The following CLEC16A variants were observed in gnomAD, a reference collection of about 807,000 sequenced individuals.
CLEC16A encodes the protein protein CLEC16A.
CLEC16A carries 51 observed loss-of-function variants against 109.5 expected under a neutral mutation model. The observed-to-expected ratio is 0.47, with a 90% confidence interval of 0.37 to 0.59. CLEC16A has a LOEUF of 0.59. CLEC16A is among the 20% of genes least tolerant of loss of function. CLEC16A has a pLI of 0.00. For synonymous variants in CLEC16A, 673 were observed against 564.2 expected, an observed-to-expected ratio of 1.19 and a Z score of -2.73; for missense variants, 1,339 against 1,394.0, an observed-to-expected ratio of 0.96 and a Z score of 0.63.
chr16:10,995,251 G>A (rs539723337), intron 10 of CLEC16A, among the ~76,000 whole-genome samples: 1 of 152,364 alleles, frequency 6.6e-6, no homozygotes, highest in African/African-American at 2.4e-5. Context: ...ATTGATGGCT[G>A]TGGCAACTGA....
At chr16:11,145,718 C>T (rs919510892) in intron 22 of CLEC16A, among the ~76,000 whole-genome samples, 1 of 152,264 alleles carries the variant, frequency 6.6e-6, no homozygotes, top group African/African-American at 2.4e-5. Context: ...TGTGCTGACT[C>T]CTGACCTTGG....
chr16:11,117,093 G>T (rs867921338), intron 19 of CLEC16A, among the ~76,000 whole-genome samples: 1 of 152,186 alleles, frequency 6.6e-6, no homozygotes, highest in Non-Finnish European at 1.5e-5. Context: ...ACCAAATACC[G>T]CATGTTCTTA....
chr16:11,132,748 A>G (rs2053301379), intron 22 of CLEC16A, among the ~76,000 whole-genome samples: 1 of 152,204 alleles, frequency 6.6e-6, no homozygotes, highest in South Asian at 2.1e-4. Context: ...GGGTGGGTAC[A>G]GGGTTGTGGG....
chr16:11,105,216 T>C (rs2051147044), intron 19 of CLEC16A, among the ~76,000 whole-genome samples: 1 of 152,198 alleles, frequency 6.6e-6, no homozygotes, highest in Non-Finnish European at 1.5e-5. Flanking sequence ...AGATCGTGTC[T>C]CTGGCAGCTG....
chr16:11,037,743 A>G (rs2152842815), intron 13 of CLEC16A, among the ~76,000 whole-genome samples: 1 of 152,138 alleles, frequency 6.6e-6, no homozygotes, highest in South Asian at 2.1e-4. Context: ...AAAGTTGGGC[A>G]ATGCACCTGG....
At chr16:11,082,046 A>G (rs2049751428) in intron 19 of CLEC16A, among the ~76,000 whole-genome samples, 1 of 152,036 alleles carries the variant, frequency 6.6e-6, no homozygotes, top group Admixed American at 6.5e-5. Context: ...AAAGAAGAAT[A>G]TTGTCGACTG....
chr16:11,051,955 C>CG (rs1244575533), intron 18 of CLEC16A, among the ~76,000 whole-genome samples: 3 of 152,142 alleles, frequency 2.0e-5, no homozygotes, highest in African/African-American at 7.2e-5. Context: ...TGTGAACCAT[C>CG]GGGGGTGAGC....
At chr16:11,134,304 G>T (rs866545034) in intron 22 of CLEC16A, among the ~76,000 whole-genome samples, 1 of 149,908 alleles carries the variant, frequency 6.7e-6, no homozygotes, top group African/African-American at 2.5e-5. Flanking sequence ...AGAAAAATTT[G>T]TATCTATTTC....
chr16:10,969,108 G>A (rs1023122176), intron 3 of CLEC16A, 53 bp from the exon 4 acceptor site: 5 of 1,499,050 alleles, frequency 3.3e-6, no homozygotes, highest in Non-Finnish European at 4.6e-6. Flanking sequence ...TTGTTACCTG[G>A]CTTATCTTTC....
intron 13 of CLEC16A, among the ~76,000 whole-genome samples, chr16:11,031,299 C>T (rs1432890490): frequency 1.3e-5 from 2 of 151,898 alleles, no homozygotes; most frequent in Non-Finnish European, 2.9e-5. Context: ...AGATGCCAGG[C>T]TCCATGGGAC....
intron 22 of CLEC16A, chr16:11,156,645 G>C: frequency 7.7e-7 from 1 of 1,304,322 alleles, no homozygotes; most frequent in Non-Finnish European, 1.0e-6. Context: ...TTGGCTGACA[G>C]ACTGTTGTGG....
In CLEC16A at chr16:11,061,220, G is replaced by GT. The variant is rs1365324052; in HGVS notation, c.2116+201dup. Among the ~76,000 whole-genome samples the GT allele has an allele frequency of 2.6e-5, 4 of 152,218 alleles. No individual in the cohort carries two copies. In the East Asian group the frequency reaches 7.7e-4, roughly 29 times the overall value. ...AAGGCCCCTGGGTTCTCTGAGATCA[G>GT]TTTGAGGGTTCTGCTTTCACACAGC... On this transcript the variant is annotated intron_variant, in intron 19 of 23. Transcript: ENST00000409790.
intron 22 of CLEC16A, 73 bp downstream of exon 22, chr16:11,126,219 G>T: frequency 6.3e-7 from 1 of 1,592,074 alleles, no homozygotes; most frequent in Non-Finnish European, 8.5e-7. Flanking sequence ...TCTCTGTGGA[G>T]CCTGTGTGAG....
chr16:11,096,692 C>G (rs979272680), intron 19 of CLEC16A, among the ~76,000 whole-genome samples: 1 of 152,194 alleles, frequency 6.6e-6, no homozygotes, highest in Non-Finnish European at 1.5e-5. Flanking sequence ...ATGGGGGTGC[C>G]TTGTCCCTGC....
rs769044993 is a variant in CLEC16A, at chr16:10,982,910, G to A, written c.990G>A (p.Val330=). The change falls in exon 10 of 24, where the codon GTG becomes GTA. Residue 330 remains valine (V), a synonymous_variant. Coordinates refer to ENST00000409790, the MANE Select transcript of CLEC16A (RefSeq NM_015226.3). ...VFLIIHHAPL[V]NSLAEVILNG... The stretch of plus-strand genomic sequence containing the variant: ...TAATTATACATCATGCACCGCTGGT[G>A]AACTCGTTAGCTGAAGTCATTCTGA... The A allele has an allele frequency of 1.9e-6, 3 of 1,611,536 alleles. No individual in the cohort carries two copies. In the Admixed American group the frequency reaches 5.0e-5, roughly 27 times the overall value.
intron 22 of CLEC16A, among the ~76,000 whole-genome samples, chr16:11,130,340 C>T (rs1485624294): frequency 6.6e-6 from 1 of 152,122 alleles, no homozygotes; most frequent in Non-Finnish European, 1.5e-5. Context: ...CCTCTGGGGC[C>T]CTAGATACTT....
chr16:11,117,609 A>G (rs1178863013), intron 19 of CLEC16A, among the ~76,000 whole-genome samples: 2 of 152,194 alleles, frequency 1.3e-5, no homozygotes, highest in Non-Finnish European at 2.9e-5. Flanking sequence ...ATAATGTCCC[A>G]GTAGAGTGGG....
intron 22 of CLEC16A, among the ~76,000 whole-genome samples, chr16:11,128,025 T>A (rs1185814308): frequency 1.3e-5 from 2 of 152,182 alleles, no homozygotes; most frequent in Non-Finnish European, 2.9e-5. Flanking sequence ...GTGGCTATGA[T>A]TGCTAAGTAA....
chr16:11,161,840 C>T (rs1400166580), intron 22 of CLEC16A, among the ~76,000 whole-genome samples: 5 of 152,222 alleles, frequency 3.3e-5, no homozygotes, highest in Admixed American at 1.3e-4. Context: ...GTACCTCCAA[C>T]AAACACACAT....
Sources: gnomAD v4.1 joint callset for allele counts (sites outside exome capture counted in the v4.1 genomes callset) on GRCh38, gnomAD v4.1.1 for gene constraint, MANE v1.5 for transcripts, NCBI Gene and HGNC (gene_info 2026-07-23, HGNC 2026-07-21) for gene names.